The following TSHZ3 variants were observed in gnomAD, a reference collection of about 807,000 sequenced individuals.
TSHZ3 encodes teashirt zinc finger homeobox 3, also known as teashirt homolog 3.
A neutral mutation model predicts 64.5 loss-of-function variants in TSHZ3; 10 were observed. That is an observed-to-expected ratio of 0.16 (90% CI 0.10 to 0.26). The LOEUF (loss-of-function observed/expected upper bound fraction) is 0.26. Among genes scored for constraint, TSHZ3 ranks in the 10% least tolerant of loss-of-function variants. The probability of loss-of-function intolerance (pLI) is 1.00; values close to 1 mark genes in which losing one functional copy is unlikely to be tolerated. For missense variants in TSHZ3, 1,242 were observed against 1,421.7 expected (o/e 0.87, Z 2.03); for synonymous variants, 608 against 593.1 (o/e 1.03, Z -0.36).
At chr19:31,239,748 T>TA (rs35837386) in intron 3 of TSHZ3, among the ~76,000 whole-genome samples, 50,746 of 150,884 alleles carry the variant, frequency 0.34, 9,993 homozygotes, top group Non-Finnish European at 0.44. Flanking sequence ...CCCAGCTAAT[T>TA]AAAAAAAAAC....
chr19:31,335,249 G>A (rs780089125), intron 1 of TSHZ3, among the ~76,000 whole-genome samples: 25 of 152,190 alleles, frequency 1.6e-4, no homozygotes, highest in Admixed American at 3.9e-4. Flanking sequence ...TTGGAACTGC[G>A]TTGGCTGACA....
At chr19:31,297,054 A>C (rs7251762) in intron 1 of TSHZ3, among the ~76,000 whole-genome samples, 101,290 of 152,134 alleles carry the variant, frequency 0.67, 34,847 homozygotes, top group East Asian at 0.85. Context: ...GGGTGTTGGG[A>C]AATACCCAAA....
At chr19:31,283,641 G>A (rs1299628435) in intron 1 of TSHZ3, among the ~76,000 whole-genome samples, 2 of 152,144 alleles carry the variant, frequency 1.3e-5, no homozygotes, top group African/African-American at 2.4e-5. Context: ...GTCCTTCCTC[G>A]GCTACATGTC....
At chr19:31,174,129 T>G (rs566814213) in intron 5 of TSHZ3, among the ~76,000 whole-genome samples, 1 of 152,084 alleles carries the variant, frequency 6.6e-6, no homozygotes, top group South Asian at 2.1e-4. Flanking sequence ...GGCTTAGAAG[T>G]CCCCAGACAT....
At chr19:31,308,509 C>T (rs1182054524) in intron 1 of TSHZ3, 3 of 394,168 alleles carry the variant, frequency 7.6e-6, no homozygotes, top group South Asian at 1.4e-4. Flanking sequence ...TCGTCTCCAG[C>T]GTGGACCACC....
chr19:31,158,807 T>G (rs767640336), intron 5 of TSHZ3, among the ~76,000 whole-genome samples: 1 of 152,086 alleles, frequency 6.6e-6, no homozygotes, highest in Non-Finnish European at 1.5e-5. Flanking sequence ...AGCATGCAAC[T>G]AGATCCCTCA....
At chr19:31,288,184 T>C (rs905700718) in intron 1 of TSHZ3, among the ~76,000 whole-genome samples, 1 of 152,152 alleles carries the variant, frequency 6.6e-6, no homozygotes, top group African/African-American at 2.4e-5. Flanking sequence ...GGAGGAAGGA[T>C]GATGGCTTGG....
chr19:31,250,657 T>C (rs190380347), intron 1 of TSHZ3, among the ~76,000 whole-genome samples: 255 of 152,352 alleles, frequency 1.7e-3, no homozygotes, highest in Non-Finnish European at 3.3e-3. Flanking sequence ...GACAGGCTAT[T>C]GAATCATGGT....
intron 5 of TSHZ3, among the ~76,000 whole-genome samples, chr19:31,166,913 G>A (rs1444834017): frequency 6.6e-6 from 1 of 152,168 alleles, no homozygotes; most frequent in Admixed American, 6.5e-5. Context: ...ACAGTACAAG[G>A]AAGCATGGCA....
At chr19:31,156,721 G>A (rs368947093) in intron 5 of TSHZ3, among the ~76,000 whole-genome samples, 79 of 152,008 alleles carry the variant, frequency 5.2e-4, no homozygotes, top group African/African-American at 1.6e-3. Context: ...TTTTTCTTAA[G>A]ATAAAGTGCA....
intron 4 of TSHZ3, among the ~76,000 whole-genome samples, chr19:31,224,787 C>A (rs1159898546): frequency 3.9e-5 from 6 of 152,176 alleles, no homozygotes; most frequent in Non-Finnish European, 7.4e-5. Context: ...CCAAAATTTT[C>A]TTTTATAATA....
intron 1 of TSHZ3, among the ~76,000 whole-genome samples, chr19:31,335,787 A>G (rs1338014567): frequency 6.6e-6 from 1 of 152,056 alleles, no homozygotes; most frequent in African/African-American, 2.4e-5. Context: ...CTCTCTACAT[A>G]TATTTCTCTA....
chr19:31,342,368 G>A (rs1917464067), intron 1 of TSHZ3, among the ~76,000 whole-genome samples: 1 of 152,198 alleles, frequency 6.6e-6, no homozygotes, highest in African/African-American at 2.4e-5. Context: ...TTGCTTAATA[G>A]TACGTTGGTG....
intron 1 of TSHZ3, among the ~76,000 whole-genome samples, chr19:31,322,239 G>A (rs147314391): frequency 2.5e-4 from 38 of 152,228 alleles, no homozygotes; most frequent in Non-Finnish European, 4.4e-4. Context: ...GGGTTCAAAC[G>A]ATTTTCGTGC....
At chr19:31,256,356 G>T (rs1014672275) in intron 1 of TSHZ3, among the ~76,000 whole-genome samples, 2 of 152,118 alleles carry the variant, frequency 1.3e-5, no homozygotes, top group African/African-American at 4.8e-5. Flanking sequence ...TCTCTCTGCG[G>T]GGGTCCTTTT....
downstream of TSHZ3, among the ~76,000 whole-genome samples, chr19:31,270,388 C>T (rs1435384980): frequency 6.6e-6 from 1 of 152,240 alleles, no homozygotes. Context: ...AATCTGCAGC[C>T]TCAAACTCCT....
chr19:31,344,610 C>CTGCT (rs1344997683), intron 1 of TSHZ3, among the ~76,000 whole-genome samples: 1 of 151,978 alleles, frequency 6.6e-6, no homozygotes, highest in Non-Finnish European at 1.5e-5. Flanking sequence ...GCCTGCCTGC[C>CTGCT]GCAGCCCTGG....
rs1405708948 is a variant in TSHZ3 at position 31,276,046 on chromosome 19, T to C, written c.*501A>G. 6.5e-6 allele frequency: 1 copy of C among 152,792 alleles called. No homozygotes were observed. Among genetic ancestry groups the C allele is most frequent in the Non-Finnish European group, 1.5e-5 (1 of 68,134 alleles). The allele number at this position is 152,792 out of a possible 1,614,324, so 9.5% of individuals were successfully genotyped here. The stretch of plus-strand genomic sequence containing the variant: ...GCAGACCTGCATAAATGGAGGTTCA[T>C]ATTATTCATTATAACTAAGCTGGTA... On this transcript the variant is annotated 3_prime_UTR_variant, in exon 2 of 2. Coordinates refer to ENST00000240587, the MANE Select transcript of TSHZ3 (RefSeq NM_020856.4).
At chr19:31,336,379 G>C (rs1368015354) in intron 1 of TSHZ3, among the ~76,000 whole-genome samples, 2 of 152,126 alleles carry the variant, frequency 1.3e-5, no homozygotes, top group Admixed American at 6.5e-5. Flanking sequence ...CTCTCTGGCT[G>C]GGACTCTGTA....
Sources: gnomAD v4.1 joint callset for allele counts (sites outside exome capture counted in the v4.1 genomes callset) on GRCh38, gnomAD v4.1.1 for gene constraint, MANE v1.5 for transcripts, NCBI Gene and HGNC (gene_info 2026-07-23, HGNC 2026-07-21) for gene names.